The following HECW1 variants were observed in gnomAD, a reference collection of about 807,000 sequenced individuals.
The protein encoded by HECW1 is HECT, C2 and WW domain containing E3 ubiquitin protein ligase 1, also known as E3 ubiquitin-protein ligase HECW1.
Under a neutral mutation model 182.3 loss-of-function variants are expected in HECW1, and 61 were observed. The observed-to-expected ratio is 0.33, with a 90% confidence interval of 0.27 to 0.41. The LOEUF is 0.41. Among genes scored for constraint, HECW1 ranks in the 10% least tolerant of loss-of-function variants. HECW1 has a pLI of 1.00. For synonymous variants in HECW1, 859 were observed against 832.6 expected (o/e 1.03, Z -0.55); for missense variants, 1,739 against 2,108.9 (o/e 0.82, Z 3.44).
chr7:43,445,292 G>T lies in HECW1; in HGVS notation c.2120G>T (p.Cys707Phe). 6.2e-7 allele frequency: 1 copy of T among 1,613,644 alleles called. No homozygotes were observed. Among genetic ancestry groups the T allele is most frequent in the Non-Finnish European group, 8.5e-7 (1 of 1,180,024 alleles). ...AGCGCCTCGTGCTACAGCCCCTCCT[G>T]CTACAACGGCAACAGGTTCGCCAGC... ...CYSASCYSPS[C>F]YNGNRFASHT... is the part of the protein sequence containing the mutation. Residue 707 changes from cysteine (C) to phenylalanine (F), a missense_variant, in exon 11 of 30, where the codon TGC becomes TTC. Physicochemically the swap from Cys to Phe is radical, Grantham distance 205. Coordinates refer to ENST00000395891, the MANE Select transcript of HECW1 (RefSeq NM_015052.5).
chr7:43,312,298 A>T (rs537344774), intron 4 of HECW1, among the ~76,000 whole-genome samples: 21 of 152,378 alleles, frequency 1.4e-4, no homozygotes, highest in African/African-American at 5.0e-4. Flanking sequence ...GAAGAAAATC[A>T]TGAGATATAG....
intron 3 of HECW1, chr7:43,245,445 A>T (rs770411888): frequency 9.9e-5 from 15 of 152,242 alleles, no homozygotes; most frequent in Non-Finnish European, 1.9e-4. Flanking sequence ...TGCATTTCAC[A>T]TTCAGGAAGA....
intron 3 of HECW1, among the ~76,000 whole-genome samples, chr7:43,256,124 G>T (rs947874683): frequency 2.0e-5 from 3 of 152,292 alleles, no homozygotes; most frequent in Non-Finnish European, 4.4e-5. Context: ...TAGGTCCATA[G>T]TAGGCCCTCG....
At chr7:43,300,228 T>C (rs1806562875) in intron 3 of HECW1, among the ~76,000 whole-genome samples, 1 of 152,242 alleles carries the variant, frequency 6.6e-6, no homozygotes, top group South Asian at 2.1e-4. Context: ...CCTCTTCCAA[T>C]AGGAATCTCT....
intron 6 of HECW1, among the ~76,000 whole-genome samples, chr7:43,388,347 T>G (rs373602735): frequency 2.6e-5 from 4 of 152,228 alleles, no homozygotes; most frequent in East Asian, 1.9e-4. Context: ...GGACAAGAAC[T>G]GCAAATTCAA....
At chr7:43,168,981 G>A (rs1378809957) in intron 2 of HECW1, among the ~76,000 whole-genome samples, 24 of 152,196 alleles carry the variant, frequency 1.6e-4, no homozygotes, top group Admixed American at 1.6e-3. Context: ...GAGAGCTTGG[G>A]TGAGGGGTGA....
At chr7:43,462,207 C>G (rs951769802) in intron 13 of HECW1, among the ~76,000 whole-genome samples, 1 of 152,010 alleles carries the variant, frequency 6.6e-6, no homozygotes, top group African/African-American at 2.4e-5. Flanking sequence ...CTCTTCACCC[C>G]CTCCCTCCAC....
In HECW1 at chr7:43,360,558, A is replaced by G. The variant is rs564628174; in HGVS notation, c.461-328A>G. Among the ~76,000 whole-genome samples, 13 of 152,342 alleles carry G rather than the reference A, an allele frequency of 8.5e-5. No homozygotes were observed. In the South Asian group the frequency reaches 2.7e-3, roughly 32 times the overall value. On this transcript the variant is annotated intron_variant, in intron 5 of 29. Coordinates refer to ENST00000395891, the MANE Select transcript of HECW1 (RefSeq NM_015052.5). The stretch of plus-strand genomic sequence containing the variant: ...TAATAGGACATTACAGAAGAAACAG[A>G]CAGGTGATAGGCATCCACCCACCTC...
chr7:43,190,946 A>G (rs1793861020), intron 2 of HECW1, among the ~76,000 whole-genome samples: 2 of 152,224 alleles, frequency 1.3e-5, no homozygotes, highest in Non-Finnish European at 2.9e-5. Context: ...GTGAAAGACA[A>G]GAATATTTTC....
rs969574245 is a variant in HECW1, at chr7:43,296,971, C to T, written c.28-14792C>T. Among the ~76,000 whole-genome samples, 4 of 152,320 alleles carry T rather than the reference C, an allele frequency of 2.6e-5. No individual in the cohort carries two copies. In the East Asian group the frequency reaches 7.7e-4, roughly 29 times the overall value. On this transcript the variant is annotated intron_variant, in intron 3 of 29. Transcript: ENST00000395891. ...AACCACCAATTAGAGACAGTGATGG[C>T]CTCCTTCTGAGTGCTTGCCTGCTGG...
intron 24 of HECW1, among the ~76,000 whole-genome samples, chr7:43,539,047 AT>A (rs1489209943): frequency 6.6e-6 from 1 of 152,078 alleles, no homozygotes; most frequent in Non-Finnish European, 1.5e-5. Flanking sequence ...AAGTGGTATG[AT>A]TTTTGTCTTT....
At chr7:43,327,724 C>T (rs1395179300) in intron 5 of HECW1, among the ~76,000 whole-genome samples, 1 of 152,146 alleles carries the variant, frequency 6.6e-6, no homozygotes, top group Non-Finnish European at 1.5e-5. Flanking sequence ...TCCATAGGCA[C>T]TCTCTAGCAG....
intron 29 of HECW1, among the ~76,000 whole-genome samples, chr7:43,556,682 T>G (rs570419815): frequency 4.4e-4 from 65 of 148,500 alleles, no homozygotes; most frequent in Non-Finnish European, 9.0e-4. Context: ...AGTGAGACCT[T>G]GTCTCAAATT....
intron 19 of HECW1, among the ~76,000 whole-genome samples, chr7:43,498,230 G>A (rs6958903): frequency 0.014 from 2,093 of 152,332 alleles, 43 homozygotes; most frequent in African/African-American, 0.047. Context: ...ACACCTGGAT[G>A]TGGTCCATAT....
chr7:43,132,704 G>A (rs1787091323), intron 2 of HECW1, among the ~76,000 whole-genome samples: 1 of 152,034 alleles, frequency 6.6e-6, no homozygotes, highest in Admixed American at 6.6e-5. Context: ...TCTAACACAA[G>A]AAATTGAGTG....
At chr7:43,288,482 C>T (rs1034727376) in intron 3 of HECW1, among the ~76,000 whole-genome samples, 1 of 152,188 alleles carries the variant, frequency 6.6e-6, no homozygotes, top group Admixed American at 6.5e-5. Flanking sequence ...TTGGTAAATA[C>T]AGTCTTTGCT....
At chr7:43,348,245 G>C (rs746948729) in intron 5 of HECW1, among the ~76,000 whole-genome samples, 4 of 152,042 alleles carry the variant, frequency 2.6e-5, no homozygotes, top group African/African-American at 7.2e-5. Context: ...AGCTAAGAGG[G>C]CTGTATTTTT....
chr7:43,262,018 C>T (rs923795101), intron 3 of HECW1, among the ~76,000 whole-genome samples: 2 of 151,998 alleles, frequency 1.3e-5, no homozygotes, highest in African/African-American at 4.8e-5. Flanking sequence ...ACCAGGAGTT[C>T]AAGACCAGCC....
At chr7:43,487,185 C>A (rs1355636727) in intron 17 of HECW1, among the ~76,000 whole-genome samples, 1 of 152,110 alleles carries the variant, frequency 6.6e-6, no homozygotes, top group Admixed American at 6.5e-5. Flanking sequence ...AGAGGGTTAG[C>A]TGATTATTAA....
Sources: gnomAD v4.1 joint callset for allele counts (sites outside exome capture counted in the v4.1 genomes callset) on GRCh38, gnomAD v4.1.1 for gene constraint, MANE v1.5 for transcripts, NCBI Gene and HGNC (gene_info 2026-07-23, HGNC 2026-07-21) for gene names.